The following ATP1B4 variants were observed in gnomAD, a reference collection of about 807,000 sequenced individuals.
The protein encoded by ATP1B4 is protein ATP1B4.
ATP1B4 carries 32 observed loss-of-function variants against 29.6 expected under a neutral mutation model. That is an observed-to-expected ratio of 1.08 (90% CI 0.82 to 1.45). The LOEUF is 1.45. ATP1B4 is among the 40% of genes most tolerant of loss of function. The probability of loss-of-function intolerance (pLI) is 0.00; values close to 1 mark genes in which losing one functional copy is unlikely to be tolerated. For synonymous variants in ATP1B4, 127 were observed against 102.1 expected, an observed-to-expected ratio of 1.24 and a Z score of -1.47; for missense variants, 323 against 276.2, an observed-to-expected ratio of 1.17 and a Z score of -1.20.
intron 7 of ATP1B4, among the ~76,000 whole-genome samples, chrX:120,379,018 C>G (rs762468507): frequency 9.0e-6 from 1 of 111,302 alleles, no homozygotes; most frequent in African/African-American, 3.3e-5. Flanking sequence ...GGTTCAGAGA[C>G]AGAAAGTGAC....
chrX:120,376,230 T>C (rs1000135478), intron 5 of ATP1B4, 150 bp from the exon 6 acceptor site: 4 of 479,289 alleles, frequency 8.3e-6, no homozygotes, highest in South Asian at 6.8e-5. Context: ...GTTTTTCATT[T>C]TTTGCTTTTT....
At chrX:120,375,591 G>C in intron 5 of ATP1B4, 23 bp downstream of exon 5, 1 of 1,168,703 alleles carries the variant, frequency 8.6e-7, no homozygotes, top group Non-Finnish European at 1.2e-6. Context: ...TTCATATCTG[G>C]TGGTGATAAG....
chrX:120,370,620 T>C, intron 2 of ATP1B4, 95 bp from the exon 3 acceptor site: 6 of 1,059,552 alleles, frequency 5.7e-6, no homozygotes, highest in Non-Finnish European at 7.6e-6. Flanking sequence ...TAAAGAGCTA[T>C]TTCGTGGTTG....
At chrX:120,364,394 G>A (rs2095767197) in intron 1 of ATP1B4, among the ~76,000 whole-genome samples, 1 of 111,883 alleles carries the variant, frequency 8.9e-6, no homozygotes, top group East Asian at 2.8e-4. Context: ...CAAGCTCTGT[G>A]AGAGCATTCC....
chrX:120,375,860 C>G (rs184843380), intron 5 of ATP1B4, among the ~76,000 whole-genome samples: 2 of 109,978 alleles, frequency 1.8e-5, no homozygotes, highest in African/African-American at 6.6e-5. Context: ...CCAAGCTACT[C>G]GGGAGGCTGA....
intron 5 of ATP1B4, among the ~76,000 whole-genome samples, chrX:120,375,966 G>T (rs1409565489): frequency 9.0e-6 from 1 of 111,696 alleles, no homozygotes; most frequent in Non-Finnish European, 1.9e-5. Flanking sequence ...TTTAAATAAA[G>T]AATGGAATAC....
chrX:120,374,134 A>G lies in ATP1B4; in HGVS notation c.563-1238A>G, dbSNP rs751274238. On this transcript the variant is annotated intron_variant, in intron 4 of 7. Transcript: ENST00000218008. ...CCACACCCAGCCAGCTGTGCGGGAG[A>G]CTGGATTTTTATTATTACTCAAATC... is the stretch of plus-strand genomic sequence containing the variant. Among the ~76,000 whole-genome samples, 12 of 111,164 alleles carry G rather than the reference A, an allele frequency of 1.1e-4. No homozygotes were observed. In the South Asian group the frequency reaches 4.6e-3, roughly 43 times the overall value.
intron 1 of ATP1B4, 82 bp downstream of exon 1, chrX:120,362,313 G>A: frequency 1.1e-6 from 1 of 910,365 alleles, no homozygotes; most frequent in East Asian, 3.1e-5. Context: ...GTAGACCTTG[G>A]TTTACGGCTG....
chrX:120,377,723 C>T (rs756364468), intron 6 of ATP1B4, among the ~76,000 whole-genome samples: 5 of 111,421 alleles, frequency 4.5e-5, no homozygotes, highest in African/African-American at 1.6e-4. Context: ...TATTTTATGT[C>T]CTTTTAAAAA....
chrX:120,378,547 G>T, intron 6 of ATP1B4, 131 bp from the exon 7 acceptor site: 1 of 567,945 alleles, frequency 1.8e-6, no homozygotes. Context: ...GCTCCATTCT[G>T]CTTTCATGGT....
In ATP1B4 at chrX:120,382,636, G is replaced by A. The variant is rs940070937; in HGVS notation, c.*3002G>A. The A allele has an allele frequency of 4.5e-5, 5 of 112,169 alleles. No homozygotes were observed. The highest frequency in any genetic ancestry group is 7.5e-5 in the Non-Finnish European group (4 of 53,220). 9.2% of individuals were successfully genotyped at this position (112,169 alleles called of 1,213,427 possible). ...AATGATATCCCAAACATTTTGAAAC[G>A]TATGTAAATTTTGAGTTAAAATAGT... is the stretch of plus-strand genomic sequence containing the variant. On this transcript the variant is annotated 3_prime_UTR_variant, in exon 8 of 8. Transcript: ENST00000218008.
intron 2 of ATP1B4, among the ~76,000 whole-genome samples, chrX:120,368,382 G>C (rs2058296573): frequency 8.9e-6 from 1 of 111,924 alleles, no homozygotes; most frequent in Non-Finnish European, 1.9e-5. Context: ...TACTAATGCT[G>C]TCCCAACCTG....
chrX:120,375,674 G>C, intron 5 of ATP1B4, 106 bp downstream of exon 5: 1 of 676,891 alleles, frequency 1.5e-6, no homozygotes, highest in South Asian at 3.5e-5. Flanking sequence ...CACAGGTTTG[G>C]CCATTTTTCT....
chrX:120,368,546 T>C lies in ATP1B4; in HGVS notation c.328+1757T>C, dbSNP rs188854521. 3.7e-3 allele frequency among the ~76,000 whole-genome samples: 413 copies of C among 112,248 alleles called. 4 individuals are homozygous for C. Among genetic ancestry groups the C allele is most frequent in the Middle Eastern group, 0.018 (4 of 217 alleles). On this transcript the variant is annotated intron_variant, in intron 2 of 7. Coordinates refer to ENST00000218008, the MANE Select transcript of ATP1B4 (RefSeq NM_001142447.3). ...GGTAGTAATATTATTATCCCCATTT[T>C]ACAGATGCAGAAACTGAGGCTTAGA...
At chrX:120,365,970 G>A (rs1390082443) in intron 1 of ATP1B4, among the ~76,000 whole-genome samples, 1 of 111,861 alleles carries the variant, frequency 8.9e-6, no homozygotes, top group Non-Finnish European at 1.9e-5. Flanking sequence ...TATTGTTTCT[G>A]TTGGGAAGGA....
chrX:120,373,496 TCTC>T (rs1204305389), intron 4 of ATP1B4, among the ~76,000 whole-genome samples: 2 of 111,696 alleles, frequency 1.8e-5, no homozygotes, highest in South Asian at 3.8e-4. Flanking sequence ...AGGTGCAAAA[TCTC>T]CTCTGAAATA....
intron 1 of ATP1B4, among the ~76,000 whole-genome samples, chrX:120,363,258 T>A (rs914556335): frequency 8.0e-5 from 9 of 112,236 alleles, no homozygotes; most frequent in African/African-American, 2.9e-4. Context: ...CCTATCAATC[T>A]ACAGAGGGCT....
chrX:120,366,197 G>A (rs921274747), intron 1 of ATP1B4, among the ~76,000 whole-genome samples: 1 of 111,654 alleles, frequency 9.0e-6, no homozygotes, highest in Non-Finnish European at 1.9e-5. Flanking sequence ...ACTCTGATAG[G>A]ACAAGGTTAA....
chrX:120,377,437 T>G (rs73614167), intron 6 of ATP1B4, among the ~76,000 whole-genome samples: 1,869 of 112,382 alleles, frequency 0.017, 35 homozygotes, highest in African/African-American at 0.056. Context: ...TGTATATGTG[T>G]AAATATTCAC....
Sources: gnomAD v4.1 joint callset for allele counts (sites outside exome capture counted in the v4.1 genomes callset) on GRCh38, gnomAD v4.1.1 for gene constraint, MANE v1.5 for transcripts, NCBI Gene and HGNC (gene_info 2026-07-23, HGNC 2026-07-21) for gene names.